Variants in PTPRD observed in about 807,000 individuals in gnomAD.
The protein encoded by PTPRD is protein tyrosine phosphatase receptor type D, also known as receptor-type tyrosine-protein phosphatase delta.
A neutral mutation model predicts 214.5 loss-of-function variants in PTPRD; 34 were observed. The ratio of observed to expected loss-of-function variants is 0.16; its 90% CI spans 0.12 to 0.21. PTPRD has a LOEUF of 0.21. Ranked by LOEUF, PTPRD falls within the 10% of genes least tolerant of loss-of-function variation. The pLI is 1.00. For missense variants in PTPRD, 2,545 were observed against 2,398.7 expected (o/e 1.06, Z -1.27); for synonymous variants, 1,128 against 845.7 (o/e 1.33, Z -5.79).
chr9:9,171,658 G>C (rs747845287), intron 10 of PTPRD, among the ~76,000 whole-genome samples: 12 of 151,866 alleles, frequency 7.9e-5, no homozygotes, highest in Non-Finnish European at 1.5e-4. Context: ...AGAGAAGAGA[G>C]ACTGCAGGTA....
At chr9:10,459,082 T>G (rs776194646) in intron 2 of PTPRD, among the ~76,000 whole-genome samples, 3 of 152,112 alleles carry the variant, frequency 2.0e-5, no homozygotes, top group African/African-American at 4.8e-5. Flanking sequence ...CAGTGTGTGA[T>G]GTTCCTCTCT....
chr9:8,769,102 G>A (rs1246759038), intron 11 of PTPRD, among the ~76,000 whole-genome samples: 1 of 152,100 alleles, frequency 6.6e-6, no homozygotes, highest in Non-Finnish European at 1.5e-5. Flanking sequence ...CAAGGAAAAT[G>A]TTTTATGTAA....
At chr9:10,260,370 C>A (rs1485762332) in intron 3 of PTPRD, among the ~76,000 whole-genome samples, 1 of 152,180 alleles carries the variant, frequency 6.6e-6, no homozygotes, top group Non-Finnish European at 1.5e-5. Context: ...AACTCACACT[C>A]AAGTTTTACA....
At chr9:9,463,343 C>A (rs959975838) in intron 8 of PTPRD, among the ~76,000 whole-genome samples, 7 of 152,024 alleles carry the variant, frequency 4.6e-5, no homozygotes, top group Admixed American at 3.3e-4. Flanking sequence ...AATCTAGACT[C>A]CTTCACTACT....
intron 2 of PTPRD, among the ~76,000 whole-genome samples, chr9:10,506,527 A>G (rs1469321646): frequency 6.6e-6 from 1 of 152,080 alleles, no homozygotes; most frequent in Admixed American, 6.6e-5. Context: ...GGTGATTGGT[A>G]CCCCACTTAC....
chr9:8,777,054 C>G (rs1238521069), intron 11 of PTPRD, among the ~76,000 whole-genome samples: 1 of 146,222 alleles, frequency 6.8e-6, no homozygotes, highest in East Asian at 2.0e-4. Context: ...GATCACGGCT[C>G]ACTGCTGCCT....
rs1471153395 is a variant in PTPRD at position 9,846,885 on chromosome 9, G to T, written c.-367-80034C>A. 3.9e-5 allele frequency among the ~76,000 whole-genome samples: 6 copies of T among 152,204 alleles called. No homozygotes were observed. In the East Asian group the frequency reaches 1.2e-3, roughly 29 times the overall value. On this transcript the variant is annotated intron_variant, in intron 5 of 45. Coordinates refer to ENST00000381196, the MANE Select transcript of PTPRD (RefSeq NM_002839.4). ...TAAGCCCACAGGAGAATTAAAGAGA[G>T]TAGGGGATTATGATAAAGGTTTTAT...
intron 2 of PTPRD, among the ~76,000 whole-genome samples, chr9:10,566,562 G>A (rs1348135339): frequency 6.6e-6 from 1 of 151,886 alleles, no homozygotes; most frequent in Non-Finnish European, 1.5e-5. Context: ...ATTTGTAGGA[G>A]TTCTATGTTC....
At chr9:8,694,628 A>G (rs1168935631) in intron 12 of PTPRD, among the ~76,000 whole-genome samples, 1 of 152,214 alleles carries the variant, frequency 6.6e-6, no homozygotes, top group Admixed American at 6.5e-5. Flanking sequence ...TGCCAAGGAA[A>G]CTTACTTGCT....
chr9:9,373,212 C>G (rs140023163), intron 9 of PTPRD, among the ~76,000 whole-genome samples: 495 of 152,158 alleles, frequency 3.3e-3, no homozygotes, highest in Non-Finnish European at 4.6e-3. Flanking sequence ...CCTGTTCTAC[C>G]TCTTTTTAGG....
At position 10,449,191 on chromosome 9, in the gene PTPRD, C is replaced by T. The variant is rs1336064125; in HGVS notation, c.-599-108174G>A. Reference sequence around the variant, plus strand: ...AGTGCCTGGGATTGCGGGCGGGTGCCGCCACGCCTGACTGGTTTTTGTATT... The same window carrying T: ...AGTGCCTGGGATTGCGGGCGGGTGCTGCCACGCCTGACTGGTTTTTGTATT... On this transcript the variant is annotated intron_variant, in intron 2 of 45. Transcript: ENST00000381196. Among the ~76,000 whole-genome samples, 6 of 151,942 alleles carry T rather than the reference C, an allele frequency of 3.9e-5. 2 individuals carry two copies. The highest frequency in any genetic ancestry group is 1.5e-4 in the African/African-American group (6 of 41,206).
chr9:9,435,958 C>A (rs947347333), intron 8 of PTPRD, among the ~76,000 whole-genome samples: 1 of 152,066 alleles, frequency 6.6e-6, no homozygotes, highest in Admixed American at 6.6e-5. Flanking sequence ...GCCCTGTTTC[C>A]CATTCAATTA....
chr9:8,511,030 A>G (rs1276544805), intron 21 of PTPRD, among the ~76,000 whole-genome samples: 2 of 152,026 alleles, frequency 1.3e-5, no homozygotes, highest in African/African-American at 4.8e-5. Context: ...ATTTATACAT[A>G]TAAATGTATA....
chr9:9,424,670 C>T (rs1021023148), intron 8 of PTPRD, among the ~76,000 whole-genome samples: 1 of 152,122 alleles, frequency 6.6e-6, no homozygotes, highest in African/African-American at 2.4e-5. Flanking sequence ...ACAAAAGAGG[C>T]TTTCTTTCAC....
intron 3 of PTPRD, among the ~76,000 whole-genome samples, chr9:10,136,284 T>C (rs1054603957): frequency 6.6e-6 from 1 of 152,010 alleles, no homozygotes; most frequent in Admixed American, 6.6e-5. Context: ...ACAAGAATAG[T>C]GGGGGACTTC....
intron 10 of PTPRD, among the ~76,000 whole-genome samples, chr9:9,069,729 A>G (rs1284746207): frequency 6.6e-6 from 1 of 152,204 alleles, no homozygotes; most frequent in Admixed American, 6.5e-5. Flanking sequence ...CAGTGTTAGA[A>G]TGTAAAGATG....
chr9:9,201,117 A>G (rs1244886632), intron 9 of PTPRD, among the ~76,000 whole-genome samples: 1 of 152,206 alleles, frequency 6.6e-6, no homozygotes, highest in African/African-American at 2.4e-5. Context: ...TTTGACTACA[A>G]ACACTGACAT....
intron 44 of PTPRD, among the ~76,000 whole-genome samples, chr9:8,321,545 A>T (rs1295165468): frequency 7.8e-6 from 1 of 128,728 alleles, no homozygotes; most frequent in Non-Finnish European, 1.6e-5. Flanking sequence ...TATGCATCGC[A>T]ATTCCTTTAG....
chr9:9,168,932 TCTC>T (rs2099909241), intron 10 of PTPRD, among the ~76,000 whole-genome samples: 1 of 151,664 alleles, frequency 6.6e-6, no homozygotes, highest in South Asian at 2.1e-4. Flanking sequence ...AAATTAATGC[TCTC>T]CTGTCTCTGT....
Sources: allele counts gnomAD v4.1 joint callset (sites outside exome capture counted in the v4.1 genomes callset), GRCh38; gene constraint gnomAD v4.1.1; transcripts MANE v1.5; gene names NCBI Gene and HGNC (gene_info 2026-07-23, HGNC 2026-07-21).